Variants in BYSL observed in about 807,000 individuals in gnomAD.
BYSL encodes bystin like.
A neutral mutation model predicts 45.4 loss-of-function variants in BYSL; 21 were observed. That is an observed-to-expected ratio of 0.46 (90% confidence interval 0.33 to 0.67). The LOEUF (loss-of-function observed/expected upper bound fraction) is 0.67. Among genes scored for constraint, BYSL ranks in the 30% least tolerant of loss-of-function variants. The pLI, the probability that BYSL is intolerant of heterozygous loss-of-function variation, is 0.02. For missense variants in BYSL, 522 were observed against 578.5 expected (o/e 0.90, Z 1.00); for synonymous variants, 215 against 231.3 (o/e 0.93, Z 0.64).
At chr6:41,909,089 A>C in the BYSL span, 1 of 745,306 alleles carries the variant, frequency 1.3e-6, no homozygotes, top group Non-Finnish European at 2.1e-6. Flanking sequence ...CGGAAGGATC[A>C]CTTGAGCCCT....
chr6:41,917,584 T>C, upstream of BYSL: 1 of 353,242 alleles, frequency 2.8e-6, no homozygotes, highest in Non-Finnish European at 5.7e-6. Context: ...CTCTAAGAAC[T>C]GGAGCACAGT....
chr6:41,912,198 CCT>C, the BYSL span, among the ~76,000 whole-genome samples: 1 of 142,922 alleles, frequency 7.0e-6, no homozygotes, highest in African/African-American at 2.7e-5. Context: ...ACCATGCCCA[CCT>C]TTTTTTTTTT....
At chr6:41,922,007 T>C (rs959181674) in intron 1 of BYSL, among the ~76,000 whole-genome samples, 177 bp downstream of exon 1, 1 of 152,104 alleles carries the variant, frequency 6.6e-6, no homozygotes, top group African/African-American at 2.4e-5. Flanking sequence ...TTTTAGGCAC[T>C]CCCTTCTAGA....
At chr6:41,909,768 G>A in the BYSL span, among the ~76,000 whole-genome samples, 3 of 152,186 alleles carry the variant, frequency 2.0e-5, no homozygotes, top group Non-Finnish European at 4.4e-5. Flanking sequence ...GGCACACAGG[G>A]AACTTTAATA....
At position 41,932,173 on chromosome 6, in the gene BYSL, C is replaced by T. The variant is rs1205694985; in HGVS notation, c.969-188C>T. ...CTAGAGATAGAGATTTGGGTGGATC[C>T]CTGTAGAGATGGTGACTGAGGTCAA... is the stretch of plus-strand genomic sequence containing the variant. On this transcript the variant is annotated intron_variant, in intron 6 of 6. Coordinates refer to ENST00000230340, the MANE Select transcript of BYSL (RefSeq NM_004053.4). This position sits in a 1 kb window ranked among gnomAD's most constrained non-coding sequence, Gnocchi z 4.7. 1.3e-5 allele frequency among the ~76,000 whole-genome samples: 2 copies of T among 151,888 alleles called. No homozygotes were observed. Among genetic ancestry groups the T allele is most frequent in the Admixed American group, 1.3e-4 (2 of 15,230 alleles).
rs1775659962 is a variant in BYSL at position 41,932,745 on chromosome 6, G to A, written c.*39G>A. The A allele has an allele frequency of 2.6e-6, 4 of 1,564,756 alleles. No homozygotes were observed. Among genetic ancestry groups the A allele is most frequent in the South Asian group, 1.2e-5 (1 of 83,650 alleles). ...CTGTCCTGGCCAAAGGGGTTTGGAA[G>A]GACACCAAGACCCCCGTTGGTGACT... On this transcript the variant is annotated 3_prime_UTR_variant, in exon 7 of 7. Coordinates refer to ENST00000230340, the MANE Select transcript of BYSL (RefSeq NM_004053.4). The surrounding 1 kb of genome is among the most constrained non-coding windows in gnomAD (Gnocchi z 4.7).
At chr6:41,913,448 A>G in the BYSL span, among the ~76,000 whole-genome samples, 1 of 152,184 alleles carries the variant, frequency 6.6e-6, no homozygotes, top group Non-Finnish European at 1.5e-5. Flanking sequence ...ATGCCATCTC[A>G]TATCTATATC....
chr6:41,926,753 C>T (rs1582072311), intron 1 of BYSL, among the ~76,000 whole-genome samples: 1 of 150,744 alleles, frequency 6.6e-6, no homozygotes, highest in Admixed American at 6.6e-5. Context: ...CCGGCCACTT[C>T]TTGGGTTTAT....
intron 2 of BYSL, among the ~76,000 whole-genome samples, chr6:41,928,668 A>G (rs16895092): frequency 0.01 from 1,570 of 152,324 alleles, 25 homozygotes; most frequent in African/African-American, 0.034. Flanking sequence ...CTAGATCCAC[A>G]TGAATTCAAC....
At chr6:41,930,966 C>T (rs140485102) in intron 4 of BYSL, among the ~76,000 whole-genome samples, 198 bp downstream of exon 4, 35 of 152,284 alleles carry the variant, frequency 2.3e-4, no homozygotes, top group African/African-American at 8.4e-4. Context: ...AGTTAGGAAC[C>T]CTCCGTGATG....
chr6:41,918,915 C>T (rs1775386300), upstream of BYSL, among the ~76,000 whole-genome samples: 1 of 142,646 alleles, frequency 7.0e-6, no homozygotes, highest in Non-Finnish European at 1.5e-5. Flanking sequence ...CCACTGCAGT[C>T]CGCAGTCCGG....
Position 41,921,611 on chromosome 6 carries a change from G to C in BYSL, c.49G>C (p.Ala17Pro). Residue 17 changes from alanine (A) to proline (P), a missense_variant, in exon 1 of 7, where the codon GCG (alanine) becomes CCG (proline). Physicochemically the swap from Ala to Pro is conservative, Grantham distance 27. Coordinates refer to ENST00000230340, the MANE Select transcript of BYSL (RefSeq NM_004053.4). The stretch of plus-strand genomic sequence containing the variant: ...TGGGGTGGGGGGTCAGGAAAAACAT[G>C]CGCCCCTGGCCGATCAGATCCTGGC... ...ARGVGGQEKH[A>P]PLADQILAGN... The C allele has an allele frequency of 6.2e-7, 1 of 1,602,434 alleles. No homozygotes were observed. The highest frequency in any genetic ancestry group is 8.5e-7 in the Non-Finnish European group (1 of 1,172,838).
intron 2 of BYSL, among the ~76,000 whole-genome samples, chr6:41,929,390 C>T (rs1444305666): frequency 1.8e-4 from 28 of 152,262 alleles, no homozygotes; most frequent in Non-Finnish European, 1.8e-4. Flanking sequence ...CCCAGCTACT[C>T]GAGAGACTGA....
At chr6:41,927,171 T>C (rs1378457461) in intron 1 of BYSL, among the ~76,000 whole-genome samples, 5 of 152,130 alleles carry the variant, frequency 3.3e-5, no homozygotes, top group Admixed American at 1.3e-4. Context: ...GCTTTTCTTA[T>C]TGTTTCCTGT....
In BYSL at chr6:41,931,526, G is replaced by C. The variant is rs1484031994; in HGVS notation, c.835G>C (p.Ala279Pro). The change falls in exon 5 of 7, where the codon GCC becomes CCC. Residue 279 changes from alanine to proline, a missense_variant. Transcript: ENST00000230340. ...NFHLYMALKK[A>P]LFKPGAWFKG... ...CCATCTCTACATGGCTCTCAAGAAGGCCCTTTTCAAACCTGGAGCCTGGTT... is the reference window on the plus strand; with the variant it reads ...CCATCTCTACATGGCTCTCAAGAAGCCCCTTTTCAAACCTGGAGCCTGGTT... 3.7e-6 allele frequency: 6 copies of C among 1,614,056 alleles called. No homozygotes were observed. The African/African-American group carries it at 4.0e-5, about 11-fold the overall frequency.
At chr6:41,930,045 G>T in intron 2 of BYSL, 87 bp from the exon 3 acceptor site, 1 of 1,533,004 alleles carries the variant, frequency 6.5e-7, no homozygotes, top group Admixed American at 1.7e-5. Context: ...GCTCACAGGG[G>T]ACTGTGGGGA....
Position 41,932,274 on chromosome 6 carries a change from A to G in BYSL, c.969-87A>G, listed in dbSNP as rs1040408860. 1.0e-5 allele frequency: 14 copies of G among 1,344,164 alleles called. No individual in the cohort carries two copies. Among genetic ancestry groups the G allele is most frequent in the East Asian group, 2.3e-5 (1 of 43,510 alleles). 83.3% of individuals were successfully genotyped at this position (1,344,164 alleles called of 1,614,324 possible). A position where few individuals can be genotyped will look rare whatever the true frequency, so the allele number is the denominator to read the frequency against. On this transcript the variant is annotated intron_variant, in intron 6 of 6. Transcript: ENST00000230340. The surrounding 1 kb of genome is among the most constrained non-coding windows in gnomAD (Gnocchi z 4.7). Reference sequence around the variant, plus strand: ...GTGTAAGGGCCAGCAGAGGGGAAGAAAAAAAGGGGAAAGCATAGAGGGAGA... The same window carrying G: ...GTGTAAGGGCCAGCAGAGGGGAAGAGAAAAAGGGGAAAGCATAGAGGGAGA...
intron 3 of BYSL, 166 bp from the exon 4 acceptor site, chr6:41,930,469 A>G: frequency 8.2e-7 from 1 of 1,213,414 alleles, no homozygotes; most frequent in East Asian, 2.5e-5. Flanking sequence ...GGTTACTGGA[A>G]CTCTCACTGG....
chr6:41,909,781 G>A, the BYSL span, among the ~76,000 whole-genome samples: 1 of 152,204 alleles, frequency 6.6e-6, no homozygotes, highest in African/African-American at 2.4e-5. Context: ...CTTTAATAGT[G>A]TTGATCATGT....
Sources: allele counts gnomAD v4.1 joint callset (sites outside exome capture counted in the v4.1 genomes callset), GRCh38; gene constraint gnomAD v4.1.1; non-coding constraint Gnocchi (gnomAD v3.1); transcripts MANE v1.5; gene names NCBI Gene and HGNC (gene_info 2026-07-23, HGNC 2026-07-21).